Variants in RC3H2 observed in about 807,000 individuals in gnomAD.
RC3H2 encodes ring finger and CCCH-type domains 2.
RC3H2 carries 31 observed loss-of-function variants against 133.3 expected under a neutral mutation model. That is an observed-to-expected ratio of 0.23 (90% CI 0.17 to 0.31). The LOEUF (loss-of-function observed/expected upper bound fraction) is 0.31, where lower values mean the gene tolerates loss of function less well. RC3H2 is among the 10% of genes least tolerant of loss of function. RC3H2 has a pLI of 1.00. For missense variants in RC3H2, 1,175 were observed against 1,437.2 expected, an observed-to-expected ratio of 0.82 and a Z score of 2.95; for synonymous variants, 517 against 502.2, an observed-to-expected ratio of 1.03 and a Z score of -0.40.
intron 10 of RC3H2, among the ~76,000 whole-genome samples, chr9:122,861,664 G>A (rs1830462145): frequency 1.3e-5 from 2 of 152,066 alleles, no homozygotes; most frequent in Non-Finnish European, 2.9e-5. Flanking sequence ...TAATTATGCA[G>A]GAACTCAATA....
intron 6 of RC3H2, 93 bp downstream of exon 6, chr9:122,880,501 C>A: frequency 1.0e-6 from 1 of 975,932 alleles, no homozygotes; most frequent in Non-Finnish European, 1.6e-6. Flanking sequence ...ACATAGGAAT[C>A]TCCAACTGTT....
chr9:122,868,901 T>TTG (rs1830918176), intron 9 of RC3H2, among the ~76,000 whole-genome samples: 2 of 126,154 alleles, frequency 1.6e-5, no homozygotes, highest in African/African-American at 6.4e-5. Flanking sequence ...ATGTGTTTTT[T>TTG]TTTTTTTTTT....
chr9:122,855,191 A>G lies in RC3H2; in HGVS notation c.2808T>C (p.Ser936=). 1 of 1,612,910 alleles carries G rather than the reference A, an allele frequency of 6.2e-7. No homozygotes were observed. The highest frequency in any genetic ancestry group is 8.5e-7 in the Non-Finnish European group (1 of 1,179,108). Residue 936 remains serine, a synonymous_variant, in exon 15 of 21, where the codon AGT becomes AGC. Coordinates refer to ENST00000357244, the MANE Select transcript of RC3H2 (RefSeq NM_001100588.3). ...ATTATCTAAATGGATTACCTGATAC[A>G]CTGATGGGCTTAGTCGCACTTCCTT... is the stretch of plus-strand genomic sequence containing the variant. ...ASQGSATKPI[S]VSDYVPYVNA... is the part of the protein sequence containing the mutation.
intron 13 of RC3H2, 40 bp downstream of exon 13, chr9:122,857,883 A>G: frequency 1.3e-6 from 2 of 1,564,386 alleles, no homozygotes; most frequent in South Asian, 1.1e-5. Flanking sequence ...CAGCTGTTTG[A>G]CCTATCCCTG....
At chr9:122,862,683 T>A (rs1324549461) in intron 10 of RC3H2, among the ~76,000 whole-genome samples, 1 of 152,072 alleles carries the variant, frequency 6.6e-6, no homozygotes, top group Non-Finnish European at 1.5e-5. Flanking sequence ...TCACTTGCGG[T>A]CAGGAGTTCT....
At chr9:122,889,699 C>T (rs1017562281) in intron 4 of RC3H2, among the ~76,000 whole-genome samples, 10 of 152,020 alleles carry the variant, frequency 6.6e-5, no homozygotes, top group South Asian at 2.1e-4. Context: ...TGGCTTATTA[C>T]GTGTTCAATC....
chr9:122,905,029 G>C (rs999476708), intron 1 of RC3H2, 81 bp downstream of exon 1: 4 of 941,980 alleles, frequency 4.2e-6, no homozygotes, highest in Admixed American at 6.2e-5. Flanking sequence ...CCCCAGGGCT[G>C]AGACTGGTCT....
chr9:122,872,267 T>C (rs1010280618), intron 9 of RC3H2, among the ~76,000 whole-genome samples: 3 of 152,218 alleles, frequency 2.0e-5, no homozygotes, highest in South Asian at 2.1e-4. Flanking sequence ...TTGGTCCATG[T>C]TGTCAGCTCT....
At position 122,861,504 on chromosome 9, in the gene RC3H2, A is replaced by G. The variant is rs1225256694; in HGVS notation, c.1635-1373T>C. The stretch of plus-strand genomic sequence containing the variant: ...AAACTCCGTCTCAAAAAAAAAAAAA[A>G]AAAAAGAAAAGAAAAAAAACCATAT... On this transcript the variant is annotated intron_variant, in intron 10 of 20. Coordinates refer to ENST00000357244, the MANE Select transcript of RC3H2 (RefSeq NM_001100588.3). 2.3e-3 allele frequency among the ~76,000 whole-genome samples: 25 copies of G among 11,038 alleles called. 1 individual carries two copies. Among genetic ancestry groups the G allele is most frequent in the South Asian group, 0.011 (1 of 88 alleles). The allele number at this position is 11,038 out of a possible 152,430, so 7.2% of individuals were successfully genotyped here.
chr9:122,849,579 G>A lies in RC3H2; in HGVS notation c.*48C>T. 8.9e-7 allele frequency: 1 copy of A among 1,123,860 alleles called. No individual in the cohort carries two copies. The highest frequency in any genetic ancestry group is 2.5e-5 in the East Asian group (1 of 39,470). 69.6% of individuals were successfully genotyped at this position (1,123,860 alleles called of 1,614,324 possible). Reference sequence around the variant, plus strand: ...TATATTATATATATAAAAAGCTAGTGTAAATGCTTCCATGGTGTGGTCACA... The same window carrying A: ...TATATTATATATATAAAAAGCTAGTATAAATGCTTCCATGGTGTGGTCACA... On this transcript the variant is annotated 3_prime_UTR_variant, in exon 21 of 21. Transcript: ENST00000357244.
Position 122,860,316 on chromosome 9 carries a change from G to A in RC3H2, c.1635-185C>T, listed in dbSNP as rs138104483. On this transcript the variant is annotated intron_variant, in intron 10 of 20. Coordinates refer to ENST00000357244, the MANE Select transcript of RC3H2 (RefSeq NM_001100588.3). Reference sequence around the variant, plus strand: ...TACACAGCTAATTCACGTGATCATCGTAACAGATGTCATATTCCTGTGTGG... The same window carrying A: ...TACACAGCTAATTCACGTGATCATCATAACAGATGTCATATTCCTGTGTGG... Among the ~76,000 whole-genome samples the A allele has an allele frequency of 2.0e-4, 31 of 151,730 alleles. No homozygotes were observed. The East Asian group carries it at 5.4e-3, about 27-fold the overall frequency.
At chr9:122,855,513 G>T in intron 14 of RC3H2, 116 bp from the exon 15 acceptor site, 1 of 1,022,650 alleles carries the variant, frequency 9.8e-7, no homozygotes, top group Non-Finnish European at 1.4e-6. Flanking sequence ...ACTAGCTCTA[G>T]ACTCAACGAT....
intron 2 of RC3H2, among the ~76,000 whole-genome samples, chr9:122,896,493 C>G (rs1832425289): frequency 6.6e-6 from 1 of 152,028 alleles, no homozygotes; most frequent in South Asian, 2.1e-4. Context: ...ATTTTAGCCA[C>G]AGAATTGAAT....
chr9:122,899,223 C>G lies in RC3H2; in HGVS notation c.-67-1647G>C, dbSNP rs535984268. ...GTTCAAGTGATTCTCCCGCCTTGGC[C>G]TCCCAAGTAACTGGGACGGCACCCA... On this transcript the variant is annotated intron_variant, in intron 1 of 20. Coordinates refer to ENST00000357244, the MANE Select transcript of RC3H2 (RefSeq NM_001100588.3). 1.0e-3 allele frequency among the ~76,000 whole-genome samples: 157 copies of G among 151,168 alleles called. 7 individuals carry two copies. The South Asian group carries it at 0.032, about 31-fold the overall frequency.
rs796720681 is a variant in RC3H2, at chr9:122,848,541, TA to T, written c.*1085del. ...CACTGTTCTACTATTACACAGTTCATAGTCTTATCAACCTAACAGTCAAAAA... is the reference window on the plus strand; with the variant it reads ...CACTGTTCTACTATTACACAGTTCATGTCTTATCAACCTAACAGTCAAAAA... On this transcript the variant is annotated 3_prime_UTR_variant, in exon 21 of 21. Transcript: ENST00000357244. 1.3e-5 allele frequency: 2 copies of T among 152,322 alleles called. No homozygotes were observed. The highest frequency in any genetic ancestry group is 4.8e-5 in the African/African-American group (2 of 41,586). 9.4% of individuals were successfully genotyped at this position (152,322 alleles called of 1,614,324 possible). A position where few individuals can be genotyped will look rare whatever the true frequency, so the allele number is the denominator to read the frequency against.
chr9:122,855,477 T>C (rs1830208104), intron 14 of RC3H2, 80 bp from the exon 15 acceptor site: 2 of 1,344,086 alleles, frequency 1.5e-6, no homozygotes, highest in Non-Finnish European at 2.1e-6. Context: ...AAAAGACATG[T>C]AATTAGGTTT....
intron 4 of RC3H2, among the ~76,000 whole-genome samples, chr9:122,884,919 T>C (rs754391802): frequency 1.3e-5 from 2 of 150,688 alleles, no homozygotes; most frequent in African/African-American, 4.9e-5. Context: ...ATCAGTGTCA[T>C]GAAAGGCAAA....
chr9:122,867,834 G>C (rs1193999700), intron 9 of RC3H2, among the ~76,000 whole-genome samples: 1 of 95,650 alleles, frequency 1.0e-5, no homozygotes, highest in African/African-American at 4.5e-5. Flanking sequence ...CCGGCAGCCG[G>C]CCCATCTGAG....
At chr9:122,852,972 G>C (rs960024428) in intron 18 of RC3H2, among the ~76,000 whole-genome samples, 2 of 152,200 alleles carry the variant, frequency 1.3e-5, no homozygotes, top group African/African-American at 4.8e-5. Context: ...TTGAGAAATC[G>C]GATGGTAGCC....
Sources: allele counts gnomAD v4.1 joint callset (sites outside exome capture counted in the v4.1 genomes callset), GRCh38; gene constraint gnomAD v4.1.1; transcripts MANE v1.5; gene names NCBI Gene and HGNC (gene_info 2026-07-23, HGNC 2026-07-21).